AGMO: variants seen among roughly 807,000 people sequenced by gnomAD.
The protein encoded by AGMO is glyceryl-ether monooxygenase.
A neutral mutation model predicts 60.2 loss-of-function variants in AGMO; 75 were observed. The observed-to-expected ratio is 1.25, with a 90% CI of 1.03 to 1.51. The LOEUF (loss-of-function observed/expected upper bound fraction) is 1.51, where lower values mean the gene tolerates loss of function less well. Ranked by LOEUF, AGMO falls within the 40% of genes most tolerant of loss-of-function variation. AGMO has a pLI of 0.00. For synonymous variants in AGMO, 261 were observed against 177.1 expected (o/e 1.47, Z -3.76); for missense variants, 763 against 525.5 (o/e 1.45, Z -4.42).
intron 12 of AGMO, among the ~76,000 whole-genome samples, chr7:15,343,491 T>C (rs1190848193): frequency 6.6e-6 from 1 of 152,182 alleles, no homozygotes; most frequent in Non-Finnish European, 1.5e-5. Flanking sequence ...AAAGATTTTT[T>C]AGTACATACA....
At chr7:15,341,428 G>A (rs1340848023) in intron 12 of AGMO, among the ~76,000 whole-genome samples, 6 of 152,154 alleles carry the variant, frequency 3.9e-5, no homozygotes, top group Admixed American at 3.9e-4. Context: ...TTCCCAAGAA[G>A]TTCCTCATCT....
At chr7:15,198,196 C>CGAGAGAGAGAGAGA (rs748392069), downstream of AGMO, among the ~76,000 whole-genome samples, 42 of 77,388 alleles carry the variant, frequency 5.4e-4, 1 homozygote, top group Middle Eastern at 8.6e-3. Context: ...AGGGCTTTCC[C>CGAGAGAGAGAGAGA]GAGAGAGAGA....
chr7:15,372,442 C>A (rs12112076), intron 10 of AGMO, among the ~76,000 whole-genome samples: 5,530 of 152,046 alleles, frequency 0.036, 110 homozygotes, highest in Admixed American at 0.052. Context: ...TGCGTCACAG[C>A]GAGACTCTGT....
At chr7:15,323,123 C>G (rs915406341) in intron 12 of AGMO, among the ~76,000 whole-genome samples, 1 of 151,588 alleles carries the variant, frequency 6.6e-6, no homozygotes, top group Non-Finnish European at 1.5e-5. Context: ...CAGTGCAATC[C>G]TTGGAGTAAT....
Position 15,238,283 on chromosome 7 carries a change from T to A in AGMO, c.1264-36924A>T, listed in dbSNP as rs61399236. Among the ~76,000 whole-genome samples, 472 of 152,120 alleles carry A rather than the reference T, an allele frequency of 3.1e-3. 1 individual carries two copies. Among genetic ancestry groups the A allele is most frequent in the African/African-American group, 0.011 (439 of 41,538 alleles). ...AAATAATATTTCCAATTATTTATATTAGGAATTTCTTAAGGCATACAAAAA... is the reference window on the plus strand; with the variant it reads ...AAATAATATTTCCAATTATTTATATAAGGAATTTCTTAAGGCATACAAAAA... On this transcript the variant is annotated intron_variant, in intron 12 of 12. Coordinates refer to ENST00000342526, the MANE Select transcript of AGMO (RefSeq NM_001004320.2).
intron 12 of AGMO, among the ~76,000 whole-genome samples, chr7:15,214,758 G>T (rs1015757932): frequency 6.6e-6 from 1 of 152,016 alleles, no homozygotes; most frequent in Admixed American, 6.6e-5. Flanking sequence ...GTCAAAAAAA[G>T]AGTGGAATAC....
chr7:15,236,930 T>C (rs1034206414), intron 12 of AGMO, among the ~76,000 whole-genome samples: 1 of 151,868 alleles, frequency 6.6e-6, no homozygotes, highest in Non-Finnish European at 1.5e-5. Context: ...AATAAAAGTG[T>C]TGGTAAAACA....
intron 3 of AGMO, among the ~76,000 whole-genome samples, chr7:15,475,459 C>T (rs377255915): frequency 8.5e-5 from 13 of 152,124 alleles, no homozygotes; most frequent in African/African-American, 3.1e-4. Context: ...CCAAACACCG[C>T]ATGTTCTCAC....
intron 12 of AGMO, among the ~76,000 whole-genome samples, chr7:15,302,584 T>C (rs1486608898): frequency 6.6e-6 from 1 of 152,102 alleles, no homozygotes; most frequent in East Asian, 1.9e-4. Flanking sequence ...AATTAAAAAA[T>C]ACATAAATCA....
intron 1 of AGMO, among the ~76,000 whole-genome samples, chr7:15,560,985 A>G (rs1583693562): frequency 6.6e-6 from 1 of 152,190 alleles, no homozygotes; most frequent in Admixed American, 6.5e-5. Context: ...TAATCTTGAA[A>G]AAGATACGGA....
chr7:15,553,494 A>G (rs1019506549), intron 2 of AGMO, among the ~76,000 whole-genome samples: 5 of 152,062 alleles, frequency 3.3e-5, no homozygotes, highest in Non-Finnish European at 7.4e-5. Context: ...ATTCATATGA[A>G]GAGCCTACTA....
At chr7:15,302,459 T>C (rs965985371) in intron 12 of AGMO, among the ~76,000 whole-genome samples, 5 of 152,178 alleles carry the variant, frequency 3.3e-5, no homozygotes, top group African/African-American at 1.2e-4. Flanking sequence ...CCAGATTTTA[T>C]TTCAAAATTT....
the AGMO span, among the ~76,000 whole-genome samples, chr7:15,184,872 G>A: frequency 2.4e-5 from 2 of 81,952 alleles, 1 homozygote; most frequent in South Asian, 1.3e-3. Context: ...GGGAGGGAGG[G>A]AAGGAAGGAA....
Position 15,493,319 on chromosome 7 carries a change from C to T in AGMO, c.409+51453G>A, listed in dbSNP as rs536071649. Among the ~76,000 whole-genome samples the T allele has an allele frequency of 2.9e-4, 40 of 137,326 alleles. 1 individual carries two copies. The South Asian group carries it at 6.9e-3, about 24-fold the overall frequency. The allele number at this position is 137,326 out of a possible 152,430, so 90.1% of individuals were successfully genotyped here. A position where few individuals can be genotyped will look rare whatever the true frequency, so the allele number is the denominator to read the frequency against. On this transcript the variant is annotated intron_variant, in intron 3 of 12. Transcript: ENST00000342526. ...TACTACCCACACACGGACACACACG[C>T]GCACAAACACACAAAACACACACAC... is the stretch of plus-strand genomic sequence containing the variant.
chr7:15,258,584 G>A (rs1783173146), intron 12 of AGMO, among the ~76,000 whole-genome samples: 1 of 152,034 alleles, frequency 6.6e-6, no homozygotes, highest in Non-Finnish European at 1.5e-5. Flanking sequence ...AAAAGAAAAA[G>A]AAAATTCCAC....
chr7:15,459,117 T>C (rs1392851975), intron 3 of AGMO, among the ~76,000 whole-genome samples: 1 of 152,170 alleles, frequency 6.6e-6, no homozygotes, highest in Non-Finnish European at 1.5e-5. Context: ...GTGGGTTTTT[T>C]TTCTTTTTGA....
chr7:15,131,563 T>C, the AGMO span, among the ~76,000 whole-genome samples: 1 of 152,108 alleles, frequency 6.6e-6, no homozygotes, highest in Non-Finnish European at 1.5e-5. Context: ...ATAAATTGTT[T>C]GACTACTTAG....
chr7:15,256,688 C>T (rs1467864048), intron 12 of AGMO, among the ~76,000 whole-genome samples: 1 of 152,144 alleles, frequency 6.6e-6, no homozygotes, highest in Non-Finnish European at 1.5e-5. Context: ...CTATCATCTA[C>T]TGGTTTGTGT....
intron 12 of AGMO, among the ~76,000 whole-genome samples, chr7:15,324,845 GC>G (rs1349179017): frequency 6.6e-6 from 1 of 152,036 alleles, no homozygotes; most frequent in Non-Finnish European, 1.5e-5. Flanking sequence ...AGGAGGCAGA[GC>G]CCAGGCAGTA....
Sources: gnomAD v4.1 joint callset for allele counts (sites outside exome capture counted in the v4.1 genomes callset) on GRCh38, gnomAD v4.1.1 for gene constraint, MANE v1.5 for transcripts, NCBI Gene and HGNC (gene_info 2026-07-23, HGNC 2026-07-21) for gene names.